The following DDR2 variants were observed in gnomAD, a reference collection of about 807,000 sequenced individuals.
The protein encoded by DDR2 is discoidin domain receptor tyrosine kinase 2, also known as discoidin domain-containing receptor 2.
DDR2 carries 27 observed loss-of-function variants against 94.9 expected under a neutral mutation model. The ratio of observed to expected loss-of-function variants is 0.28; its 90% confidence interval spans 0.21 to 0.39. DDR2 has a LOEUF of 0.39. Ranked by LOEUF, DDR2 falls within the 10% of genes least tolerant of loss-of-function variation. The pLI, the probability that DDR2 is intolerant of heterozygous loss-of-function variation, is 1.00. For missense variants in DDR2, 783 were observed against 1,076.0 expected (o/e 0.73, Z 3.81); for synonymous variants, 382 against 377.2 (o/e 1.01, Z -0.15).
intron 2 of DDR2, among the ~76,000 whole-genome samples, chr1:162,707,730 A>T (rs917791129): frequency 7.2e-5 from 11 of 152,150 alleles, no homozygotes; most frequent in African/African-American, 2.7e-4. Flanking sequence ...TAAACATACG[A>T]TTGCCACCTC....
chr1:162,770,216 T>C, intron 11 of DDR2, 86 bp from the exon 12 acceptor site: 1 of 1,308,542 alleles, frequency 7.6e-7, no homozygotes, highest in Non-Finnish European at 1.1e-6. Context: ...TTATTTCATT[T>C]GAGTGGGAGA....
At chr1:162,680,052 C>T (rs996685392) in intron 2 of DDR2, among the ~76,000 whole-genome samples, 5 of 151,916 alleles carry the variant, frequency 3.3e-5, no homozygotes, top group Admixed American at 2.0e-4. Context: ...GTCTGTTGTT[C>T]CCCTCCTAGT....
chr1:162,761,357 C>T lies in DDR2; in HGVS notation c.1002C>T (p.Val334=), dbSNP rs755680111. Residue 334 remains valine, a synonymous_variant, in exon 9 of 18, where the codon GTC becomes GTT. Coordinates refer to ENST00000367921, the MANE Select transcript of DDR2 (RefSeq NM_006182.4). The part of the protein sequence containing the change: ...LDDVNPSARF[V]TVPLHHRMAS... Reference sequence around the variant, plus strand: ...ACGTCAACCCCAGTGCTCGGTTTGTCACGGTGCCTCTCCACCACCGAATGG... The same window carrying T: ...ACGTCAACCCCAGTGCTCGGTTTGTTACGGTGCCTCTCCACCACCGAATGG... 3.7e-6 allele frequency: 6 copies of T among 1,614,084 alleles called. No homozygotes were observed. The highest frequency in any genetic ancestry group is 1.6e-4 in the Middle Eastern group (1 of 6,082).
chr1:162,692,777 A>G (rs538489105), intron 2 of DDR2, among the ~76,000 whole-genome samples: 1 of 152,252 alleles, frequency 6.6e-6, no homozygotes, highest in Admixed American at 6.5e-5. Flanking sequence ...ATGACCCAGC[A>G]TATAATCTGA....
At chr1:162,672,858 C>G (rs1468089337) in intron 2 of DDR2, among the ~76,000 whole-genome samples, 1 of 152,030 alleles carries the variant, frequency 6.6e-6, no homozygotes, top group Admixed American at 6.6e-5. Flanking sequence ...GTTCTCGGGG[C>G]CTCTCTGTCC....
intron 2 of DDR2, among the ~76,000 whole-genome samples, chr1:162,670,551 A>G (rs183593282): frequency 3.3e-5 from 5 of 152,354 alleles, no homozygotes; most frequent in Admixed American, 3.3e-4. Flanking sequence ...TCAGTGTTTC[A>G]GTAACTGGGG....
chr1:162,675,642 A>G lies in DDR2; in HGVS notation c.-28+20268A>G, dbSNP rs78126257. ...ATAAGTGAATATAAGTGGCAGAAAG[A>G]CAGCTGAGTTGCTGGGACAGGTGAG... On this transcript the variant is annotated intron_variant, in intron 2 of 17. Coordinates refer to ENST00000367921, the MANE Select transcript of DDR2 (RefSeq NM_006182.4). Among the ~76,000 whole-genome samples, 36 of 152,320 alleles carry G rather than the reference A, an allele frequency of 2.4e-4. 1 individual carries two copies. In the East Asian group the frequency reaches 7.0e-3, roughly 29 times the overall value.
intron 2 of DDR2, among the ~76,000 whole-genome samples, chr1:162,667,208 A>G (rs1183247152): frequency 1.3e-5 from 2 of 152,138 alleles, no homozygotes; most frequent in Non-Finnish European, 2.9e-5. Flanking sequence ...TTGTACATCT[A>G]TATCTGTAAG....
intron 7 of DDR2, among the ~76,000 whole-genome samples, chr1:162,757,431 G>A (rs1385969303): frequency 2.0e-5 from 3 of 152,254 alleles, no homozygotes; most frequent in African/African-American, 4.8e-5. Context: ...ATAAAGTTTA[G>A]GGGACTGTCT....
intron 2 of DDR2, among the ~76,000 whole-genome samples, chr1:162,683,526 A>T (rs946294157): frequency 6.6e-6 from 1 of 152,202 alleles, no homozygotes; most frequent in Non-Finnish European, 1.5e-5. Flanking sequence ...AATCAATTGT[A>T]CGTCTACATA....
intron 2 of DDR2, among the ~76,000 whole-genome samples, chr1:162,687,127 G>C (rs1165194408): frequency 6.6e-6 from 1 of 152,186 alleles, no homozygotes; most frequent in Admixed American, 6.5e-5. Flanking sequence ...TCTGCTGCCT[G>C]CCACTGTCTT....
chr1:162,637,511 T>G (rs1656885286), intron 1 of DDR2, among the ~76,000 whole-genome samples: 1 of 152,136 alleles, frequency 6.6e-6, no homozygotes, highest in Admixed American at 6.5e-5. Context: ...TACAACCTTG[T>G]ATTAGTATTA....
intron 2 of DDR2, among the ~76,000 whole-genome samples, chr1:162,656,513 C>G (rs1014757130): frequency 4.6e-5 from 7 of 152,010 alleles, no homozygotes; most frequent in African/African-American, 1.2e-4. Context: ...AGTTTAATGT[C>G]TTAGGTTTCC....
chr1:162,680,554 A>G (rs1228878039), intron 2 of DDR2, among the ~76,000 whole-genome samples: 1 of 152,134 alleles, frequency 6.6e-6, no homozygotes, highest in Non-Finnish European at 1.5e-5. Flanking sequence ...GTATACTTTG[A>G]AGTTAAGTCG....
rs1320889323 is a variant in DDR2, at chr1:162,632,472, TC to T, written c.-350del. On this transcript the variant is annotated 5_prime_UTR_variant, in exon 1 of 18. Coordinates refer to ENST00000367921, the MANE Select transcript of DDR2 (RefSeq NM_006182.4). Reference sequence around the variant, plus strand: ...GAATGTGAGGTTTCTCTCAAAGGCATCTTGCATCAGCCTGTGGATGTATGCC... The same window carrying T: ...GAATGTGAGGTTTCTCTCAAAGGCATTTGCATCAGCCTGTGGATGTATGCC... 1 of 152,178 alleles carries T rather than the reference TC, an allele frequency of 6.6e-6. No individual in the cohort carries two copies. The highest frequency in any genetic ancestry group is 1.9e-4 in the East Asian group (1 of 5,194). The allele number at this position is 152,178 out of a possible 1,614,324, so 9.4% of individuals were successfully genotyped here. A position where few individuals can be genotyped will look rare whatever the true frequency, so the allele number is the denominator to read the frequency against.
intron 3 of DDR2, 50 bp from the exon 4 acceptor site, chr1:162,753,045 T>C (rs756492999): frequency 2.0e-6 from 3 of 1,516,594 alleles, no homozygotes; most frequent in South Asian, 2.3e-5. Context: ...GGCTTGGAAA[T>C]AAAAATAAAA....
upstream of DDR2, among the ~76,000 whole-genome samples, chr1:162,631,103 A>G (rs1247088761): frequency 1.3e-5 from 2 of 151,812 alleles, no homozygotes; most frequent in African/African-American, 4.8e-5. Flanking sequence ...TCTGACCCTC[A>G]GACTGGTGCT....
chr1:162,643,320 A>G (rs923725357), intron 1 of DDR2, among the ~76,000 whole-genome samples: 11 of 152,130 alleles, frequency 7.2e-5, no homozygotes, highest in African/African-American at 2.7e-4. Context: ...AGTTGCCAAC[A>G]TCTACAAAAT....
At position 162,786,482 on chromosome 1, in the gene DDR2, C is replaced by G. The variant is rs1351849749; in HGVS notation, c.*6236C>G. The G allele has an allele frequency of 6.6e-6, 1 of 152,192 alleles. No individual in the cohort carries two copies. Among genetic ancestry groups the G allele is most frequent in the Non-Finnish European group, 1.5e-5 (1 of 68,032 alleles). The allele number at this position is 152,192 out of a possible 1,614,324, so 9.4% of individuals were successfully genotyped here. ...CTGTATTAGAAAAAGAAACGTGATA[C>G]CAATTGTATATTTTCTTTTCTTTAT... On this transcript the variant is annotated 3_prime_UTR_variant, in exon 18 of 18. Transcript: ENST00000367921.
Sources: allele counts gnomAD v4.1 joint callset (sites outside exome capture counted in the v4.1 genomes callset), GRCh38; gene constraint gnomAD v4.1.1; transcripts MANE v1.5; gene names NCBI Gene and HGNC (gene_info 2026-07-23, HGNC 2026-07-21).